The following NRCAM variants were observed in gnomAD, a reference collection of about 807,000 sequenced individuals.
NRCAM encodes NgCAM-related cell adhesion molecule.
NRCAM carries 83 observed loss-of-function variants against 156.5 expected under a neutral mutation model. That is an observed-to-expected ratio of 0.53 (90% CI 0.44 to 0.64). NRCAM has a LOEUF of 0.64. Ranked by LOEUF, NRCAM falls within the 30% of genes least tolerant of loss-of-function variation. The pLI, the probability that NRCAM is intolerant of heterozygous loss-of-function variation, is 0.00. For missense variants in NRCAM, 1,417 were observed against 1,597.3 expected, an observed-to-expected ratio of 0.89 and a Z score of 1.92; for synonymous variants, 538 against 563.9, an observed-to-expected ratio of 0.95 and a Z score of 0.65.
chr7:108,180,745 G>A (rs1237532208), intron 24 of NRCAM, among the ~76,000 whole-genome samples: 1 of 152,184 alleles, frequency 6.6e-6, no homozygotes, highest in African/African-American at 2.4e-5. Context: ...TAGGATTTAA[G>A]TCTTTTACTT....
chr7:108,451,499 A>G (rs186122262), intron 1 of NRCAM, among the ~76,000 whole-genome samples: 1 of 152,350 alleles, frequency 6.6e-6, no homozygotes, highest in East Asian at 1.9e-4. Flanking sequence ...AGATATTTGT[A>G]CATCCATGTT....
intron 28 of NRCAM, among the ~76,000 whole-genome samples, chr7:108,170,747 A>G (rs1450483215): frequency 1.3e-5 from 2 of 152,154 alleles, no homozygotes; most frequent in Non-Finnish European, 2.9e-5. Flanking sequence ...AACTTTCTAA[A>G]TTAACTGAAA....
At chr7:108,279,617 C>T (rs1176446857) in intron 3 of NRCAM, among the ~76,000 whole-genome samples, 2 of 147,338 alleles carry the variant, frequency 1.4e-5, no homozygotes, top group South Asian at 2.2e-4. Flanking sequence ...CTGCCGCCTT[C>T]CCCCATCCCC....
intron 1 of NRCAM, among the ~76,000 whole-genome samples, chr7:108,414,672 T>C (rs1406540988): frequency 1.3e-5 from 2 of 152,072 alleles, no homozygotes; most frequent in African/African-American, 4.8e-5. Flanking sequence ...TTGATACCAC[T>C]CAGTGTACAG....
intron 1 of NRCAM, among the ~76,000 whole-genome samples, chr7:108,448,865 A>G (rs780510069): frequency 6.6e-6 from 1 of 152,232 alleles, no homozygotes; most frequent in Non-Finnish European, 1.5e-5. Flanking sequence ...GGACAGATGT[A>G]TCTTGTTGCA....
chr7:108,172,741 T>G (rs1209348261), intron 28 of NRCAM, among the ~76,000 whole-genome samples: 1 of 152,238 alleles, frequency 6.6e-6, no homozygotes, highest in African/African-American at 2.4e-5. Flanking sequence ...AGGAGAATGG[T>G]AAGAAGAAGG....
intron 28 of NRCAM, among the ~76,000 whole-genome samples, chr7:108,170,400 G>A (rs1222800717): frequency 6.6e-6 from 1 of 152,168 alleles, no homozygotes; most frequent in Non-Finnish European, 1.5e-5. Context: ...TCTGGGAACT[G>A]CTTAGGACAA....
chr7:108,229,648 G>C (rs150321995), intron 8 of NRCAM, among the ~76,000 whole-genome samples: 2 of 152,264 alleles, frequency 1.3e-5, no homozygotes, highest in East Asian at 3.9e-4. Flanking sequence ...TACGCACTAA[G>C]GTTTCAAACA....
chr7:108,177,550 G>T (rs1407980307), intron 26 of NRCAM, among the ~76,000 whole-genome samples: 1 of 151,862 alleles, frequency 6.6e-6, no homozygotes, highest in East Asian at 1.9e-4. Flanking sequence ...GTGAACTCGG[G>T]AGATGGAGCT....
chr7:108,195,682 A>G (rs2074646021), intron 15 of NRCAM, 79 bp downstream of exon 15: 3 of 821,512 alleles, frequency 3.7e-6, no homozygotes, highest in Non-Finnish European at 6.2e-6. Context: ...TGTTTTTTGA[A>G]TAAAACCCAA....
intron 1 of NRCAM, among the ~76,000 whole-genome samples, chr7:108,408,498 C>T (rs1428236074): frequency 6.6e-6 from 1 of 152,178 alleles, no homozygotes. Context: ...GAAAAGCTGT[C>T]CCGGAAAATT....
At chr7:108,218,444 G>C (rs2090652895) in intron 11 of NRCAM, among the ~76,000 whole-genome samples, 1 of 152,052 alleles carries the variant, frequency 6.6e-6, no homozygotes, top group Non-Finnish European at 1.5e-5. Flanking sequence ...CTTGAAGATG[G>C]ACCATATGAT....
intron 25 of NRCAM, chr7:108,178,439 C>T (rs898471028): frequency 5.1e-6 from 2 of 390,594 alleles, no homozygotes; most frequent in Non-Finnish European, 9.8e-6. Context: ...TAGAAGCAAA[C>T]TAGCTACCAA....
chr7:108,159,244 T>A, intron 32 of NRCAM: 2 of 700,784 alleles, frequency 2.9e-6, no homozygotes, highest in Non-Finnish European at 5.3e-6. Context: ...AGACATTCCA[T>A]CTCCAAAATT....
intron 1 of NRCAM, among the ~76,000 whole-genome samples, chr7:108,416,618 CTAA>C (rs1801921111): frequency 1.3e-5 from 2 of 152,114 alleles, no homozygotes; most frequent in Admixed American, 6.5e-5. Context: ...ACTAGACAGA[CTAA>C]TACCCCCAAG....
intron 2 of NRCAM, among the ~76,000 whole-genome samples, chr7:108,396,063 C>T (rs1414416562): frequency 3.3e-5 from 5 of 152,188 alleles, no homozygotes; most frequent in Non-Finnish European, 7.3e-5. Context: ...TTATCCACAA[C>T]ATGCTATTTC....
intron 10 of NRCAM, among the ~76,000 whole-genome samples, 176 bp from the exon 11 acceptor site, chr7:108,224,012 C>T (rs1337369538): frequency 6.6e-6 from 1 of 152,150 alleles, no homozygotes; most frequent in Admixed American, 6.5e-5. Context: ...GTAGTCATCA[C>T]TTACTCAGTT....
chr7:108,308,692 T>A (rs2098754977), intron 3 of NRCAM, among the ~76,000 whole-genome samples: 1 of 152,224 alleles, frequency 6.6e-6, no homozygotes, highest in African/African-American at 2.4e-5. Context: ...AAAATGCTGA[T>A]GTCTTTCTTC....
chr7:108,203,134 C>T (rs2079088395), intron 13 of NRCAM, among the ~76,000 whole-genome samples: 2 of 152,170 alleles, frequency 1.3e-5, no homozygotes. Flanking sequence ...ATGCTTTGCC[C>T]CATCCTGCCA....
Sources: allele counts gnomAD v4.1 joint callset (sites outside exome capture counted in the v4.1 genomes callset), GRCh38; gene constraint gnomAD v4.1.1; transcripts MANE v1.5; gene names NCBI Gene and HGNC (gene_info 2026-07-23, HGNC 2026-07-21).